The following SCAF8 variants were observed in gnomAD, a reference collection of about 807,000 sequenced individuals.
SCAF8 encodes the protein SR-related and CTD-associated factor 8.
A neutral mutation model predicts 140.5 loss-of-function variants in SCAF8; 23 were observed. The observed-to-expected ratio is 0.16, with a 90% confidence interval of 0.12 to 0.23. The LOEUF is 0.23. SCAF8 is among the 10% of genes least tolerant of loss of function. SCAF8 has a pLI of 1.00. For missense variants in SCAF8, 1,397 were observed against 1,555.7 expected (o/e 0.90, Z 1.72); for synonymous variants, 575 against 528.9 (o/e 1.09, Z -1.20).
intron 1 of SCAF8, among the ~76,000 whole-genome samples, chr6:154,770,653 G>A (rs1185793849): frequency 1.3e-5 from 2 of 152,114 alleles, no homozygotes; most frequent in African/African-American, 4.8e-5. Flanking sequence ...GAACAGATGG[G>A]TGCCTTTATG....
At chr6:154,770,341 G>A (rs888923003) in intron 1 of SCAF8, among the ~76,000 whole-genome samples, 7 of 151,304 alleles carry the variant, frequency 4.6e-5, no homozygotes, top group Admixed American at 3.3e-4. Flanking sequence ...ATCTGTGCCT[G>A]TAGTGCCAGC....
At chr6:154,738,520 ACAT>A (rs1473564623) in intron 1 of SCAF8, among the ~76,000 whole-genome samples, 1 of 152,210 alleles carries the variant, frequency 6.6e-6, no homozygotes, top group African/African-American at 2.4e-5. Flanking sequence ...TTCTATTTAA[ACAT>A]CATCACTGTG....
chr6:154,782,331 G>A (rs1777108833), intron 3 of SCAF8, among the ~76,000 whole-genome samples: 1 of 152,134 alleles, frequency 6.6e-6, no homozygotes. Context: ...ATTGCTTGAG[G>A]CTTGAGTTCA....
Position 154,832,017 on chromosome 6 carries a change from T to G in SCAF8, c.2438T>G (p.Leu813Arg). Reference sequence around the variant, plus strand: ...AATGTGACAAGCAATTCTGGAATTCTGGGAGTCCAAAGACCAAATGTATCA... The same window carrying G: ...AATGTGACAAGCAATTCTGGAATTCGGGGAGTCCAAAGACCAAATGTATCA... The part of the protein sequence containing the change: ...PPNVTSNSGI[L>R]GVQRPNVSSN... Residue 813 changes from leucine (L) to arginine (R), a missense_variant, in exon 20 of 20, where the codon CTG (leucine) becomes CGG (arginine). Coordinates refer to ENST00000367178, the MANE Select transcript of SCAF8 (RefSeq NM_014892.5). 5.6e-6 allele frequency: 9 copies of G among 1,613,964 alleles called. No individual in the cohort carries two copies. The highest frequency in any genetic ancestry group is 7.6e-6 in the Non-Finnish European group (9 of 1,179,892).
chr6:154,822,705 A>G (rs1192479898), intron 16 of SCAF8, among the ~76,000 whole-genome samples: 2 of 152,218 alleles, frequency 1.3e-5, no homozygotes, highest in Non-Finnish European at 2.9e-5. Context: ...TTGATAGAAC[A>G]GTAAGTTATT....
intron 1 of SCAF8, among the ~76,000 whole-genome samples, chr6:154,770,578 A>G (rs1328423464): frequency 2.0e-5 from 3 of 151,796 alleles, no homozygotes; most frequent in Non-Finnish European, 4.4e-5. Flanking sequence ...TGTCTGAAGA[A>G]GGAGAAAAAA....
intron 15 of SCAF8, among the ~76,000 whole-genome samples, chr6:154,821,219 C>G (rs1404304962): frequency 6.6e-6 from 1 of 152,154 alleles, no homozygotes; most frequent in Non-Finnish European, 1.5e-5. Flanking sequence ...GGTCAGCAAC[C>G]TAATACCCAT....
chr6:154,776,168 A>ATCAC (rs1776909570), intron 2 of SCAF8, among the ~76,000 whole-genome samples: 1 of 151,564 alleles, frequency 6.6e-6, no homozygotes, highest in Non-Finnish European at 1.5e-5. Context: ...TCCAGTCAAG[A>ATCAC]TCACACATTA....
chr6:154,800,774 T>C (rs1240514257), intron 6 of SCAF8, among the ~76,000 whole-genome samples: 1 of 151,598 alleles, frequency 6.6e-6, no homozygotes, highest in Non-Finnish European at 1.5e-5. Flanking sequence ...ATCTATTTTC[T>C]ACATTTTTGA....
intron 3 of SCAF8, among the ~76,000 whole-genome samples, chr6:154,784,973 G>C: frequency 6.6e-6 from 1 of 152,178 alleles, no homozygotes; most frequent in East Asian, 1.9e-4. Context: ...ATCATGTCTT[G>C]CATACCCCCT....
chr6:154,789,945 A>C (rs1418293207), intron 4 of SCAF8, among the ~76,000 whole-genome samples: 4 of 152,168 alleles, frequency 2.6e-5, no homozygotes, highest in Non-Finnish European at 5.9e-5. Context: ...TTATACATGC[A>C]TTTTTTAGAA....
chr6:154,736,272 T>TC (rs1425443986), intron 1 of SCAF8, among the ~76,000 whole-genome samples: 4 of 146,306 alleles, frequency 2.7e-5, no homozygotes, highest in Non-Finnish European at 6.0e-5. Flanking sequence ...AGACTTTTTT[T>TC]TTTTTTTTTT....
chr6:154,833,780 T>G lies in SCAF8; in HGVS notation c.*385T>G, dbSNP rs1169037856. Reference sequence around the variant, plus strand: ...AGTGGTGGTATATCTTATCCATATCTTTAGGCTGCTGCAGAATTTTAAGGT... The same window carrying G: ...AGTGGTGGTATATCTTATCCATATCGTTAGGCTGCTGCAGAATTTTAAGGT... On this transcript the variant is annotated 3_prime_UTR_variant, in exon 20 of 20. Transcript: ENST00000367178. The G allele has an allele frequency of 6.2e-6, 1 of 162,194 alleles. No individual in the cohort carries two copies. The highest frequency in any genetic ancestry group is 1.3e-5 in the Non-Finnish European group (1 of 74,422). 10.0% of individuals were successfully genotyped at this position (162,194 alleles called of 1,614,324 possible).
intron 3 of SCAF8, among the ~76,000 whole-genome samples, chr6:154,778,769 A>ATGTGTGTGTGTGTG (rs71021079): frequency 1.2e-4 from 17 of 142,162 alleles, no homozygotes; most frequent in South Asian, 2.3e-4. Flanking sequence ...GTCTCAAAAA[A>ATGTGTGTGTGTGTG]TGTGTGTGTG....
chr6:154,832,311 T>C lies in SCAF8; in HGVS notation c.2732T>C (p.Leu911Ser), dbSNP rs1405680226. ...PPAGPQNLPP[L>S]SIPNQRMPTM... is the part of the protein sequence containing the mutation. ...GCTGGACCTCAAAACTTACCCCCTT[T>C]AAGTATCCCTAATCAAAGGATGCCC... The change falls in exon 20 of 20, where the codon TTA (leucine) becomes TCA (serine). Residue 911 changes from leucine (L) to serine (S), a missense_variant. By Grantham distance (145) the Leu-to-Ser change is moderately radical. This residue lies in a region of SCAF8 where 930 missense variants were observed against 874.6 expected (regional missense o/e 1.06). Coordinates refer to ENST00000367178, the MANE Select transcript of SCAF8 (RefSeq NM_014892.5). 1 of 1,613,876 alleles carries C rather than the reference T, an allele frequency of 6.2e-7. No homozygotes were observed. Among genetic ancestry groups the C allele is most frequent in the Admixed American group, 1.7e-5 (1 of 59,998 alleles).
chr6:154,814,105 T>G (rs531577113), intron 12 of SCAF8, among the ~76,000 whole-genome samples: 12 of 152,356 alleles, frequency 7.9e-5, no homozygotes, highest in African/African-American at 2.2e-4. Flanking sequence ...TGAAATTACT[T>G]GAGACCAGGA....
At chr6:154,805,655 TA>T (rs1777892249) in intron 9 of SCAF8, among the ~76,000 whole-genome samples, 169 bp downstream of exon 9, 1 of 152,040 alleles carries the variant, frequency 6.6e-6, no homozygotes, top group Non-Finnish European at 1.5e-5. Flanking sequence ...GTTATGGTGA[TA>T]TTTTTTCAAC....
Position 154,808,254 on chromosome 6 carries a change from T to C in SCAF8, c.1113+53T>C, listed in dbSNP as rs944359306. 121 of 1,535,624 alleles carry C rather than the reference T, an allele frequency of 7.9e-5. No homozygotes were observed. In the Admixed American group the frequency reaches 2.1e-3, roughly 26 times the overall value. ...AAATTTCTAAAAGTAGCTAAAGAAA[T>C]CATAAAATATTTTATACTAGCAGTG... On this transcript the variant is annotated intron_variant, in intron 10 of 19. Transcript: ENST00000367178.
intron 12 of SCAF8, among the ~76,000 whole-genome samples, chr6:154,810,676 T>G (rs989280150): frequency 6.6e-6 from 1 of 152,194 alleles, no homozygotes; most frequent in Non-Finnish European, 1.5e-5. Flanking sequence ...TACATGTTAG[T>G]CAATTACGTA....
Sources: gnomAD v4.1 joint callset for allele counts (sites outside exome capture counted in the v4.1 genomes callset) on GRCh38, gnomAD v4.1.1 for gene constraint, gnomAD v4.1.1 regional missense constraint, MANE v1.5 for transcripts, NCBI Gene and HGNC (gene_info 2026-07-23, HGNC 2026-07-21) for gene names.